SLFNL1: variants seen among roughly 807,000 people sequenced by gnomAD.
The protein encoded by SLFNL1 is schlafen-like protein 1.
Under a neutral mutation model 32.5 loss-of-function variants are expected in SLFNL1, and 26 were observed. The observed-to-expected ratio is 0.80, with a 90% CI of 0.59 to 1.11. SLFNL1 has a LOEUF of 1.11. Ranked by LOEUF, SLFNL1 falls within the 50% of genes least tolerant of loss-of-function variation. The probability of loss-of-function intolerance (pLI) is 0.00; values close to 1 mark genes in which losing one functional copy is unlikely to be tolerated. For missense variants in SLFNL1, 553 were observed against 546.5 expected (o/e 1.01, Z -0.12); for synonymous variants, 255 against 242.2 (o/e 1.05, Z -0.49).
At position 41,016,068 on chromosome 1, in the gene SLFNL1, GGA is replaced by G. The variant is rs756653141; in HGVS notation, c.*36_*37del. On this transcript the variant is annotated 3_prime_UTR_variant, in exon 6 of 6. Coordinates refer to ENST00000302946, the MANE Select transcript of SLFNL1 (RefSeq NM_144990.4). ...AACAGGAAATCCCTGGGTCTCAGGTGGAGAGTGCCGTGCCGTCCTGCCTGCTC... is the reference window on the plus strand; with the variant it reads ...AACAGGAAATCCCTGGGTCTCAGGTGGAGTGCCGTGCCGTCCTGCCTGCTC... 1 of 1,593,362 alleles carries G rather than the reference GGA, an allele frequency of 6.3e-7. No individual in the cohort carries two copies. The highest frequency in any genetic ancestry group is 1.1e-5 in the South Asian group (1 of 88,744).
chr1:41,020,192 G>T (rs367722858), intron 3 of SLFNL1, 34 bp downstream of exon 3: 2 of 1,552,690 alleles, frequency 1.3e-6, no homozygotes, highest in East Asian at 2.3e-5. Context: ...TTGGGGTGAG[G>T]CTTTGGAGCT....
At chr1:41,018,584 G>A (rs909570343) in intron 3 of SLFNL1, among the ~76,000 whole-genome samples, 1 of 152,182 alleles carries the variant, frequency 6.6e-6, no homozygotes, top group Non-Finnish European at 1.5e-5. Flanking sequence ...TGAATGGAGA[G>A]GGACTCCCAG....
Position 41,017,927 on chromosome 1 carries a change from G to A in SLFNL1, c.665C>T (p.Thr222Ile), listed in dbSNP as rs1415840854. 1.2e-6 allele frequency: 2 copies of A among 1,612,668 alleles called. No homozygotes were observed. The highest frequency in any genetic ancestry group is 1.7e-5 in the Admixed American group (1 of 60,004). Reference protein sequence around the residue: ...LFQGAFLGSETRNMEFKRGSG... With the variant: ...LFQGAFLGSEIRNMEFKRGSG... ...ACCCCGCTTGAACTCCATATTGCGG[G>A]TCTCGCTGCCCAGGAAGGCACCCTG... The change falls in exon 4 of 6, where the codon ACC becomes ATC. Residue 222 changes from threonine to isoleucine, a missense_variant. Physicochemically the swap from Thr to Ile is moderately conservative, Grantham distance 89 (BLOSUM62 -1). Coordinates refer to ENST00000302946, the MANE Select transcript of SLFNL1 (RefSeq NM_144990.4). This position sits in a 1 kb window ranked among gnomAD's most constrained non-coding sequence, Gnocchi z 4.9.
chr1:41,019,366 CA>C (rs1643644136), intron 3 of SLFNL1, among the ~76,000 whole-genome samples: 1 of 152,088 alleles, frequency 6.6e-6, no homozygotes, highest in Admixed American at 6.5e-5. Context: ...ATTTTCACAC[CA>C]AAAGAAACCA....
chr1:41,020,117 C>T, intron 3 of SLFNL1, 109 bp downstream of exon 3: 3 of 1,188,852 alleles, frequency 2.5e-6, no homozygotes, highest in Admixed American at 2.3e-5. Context: ...CAGATTTGTC[C>T]CTGCTTCCCC....
Position 41,017,734 on chromosome 1 carries a change from G to A in SLFNL1, c.858C>T (p.Asp286=), listed in dbSNP as rs1399011844. ...RDEDRARLLV[D]SILQGFKPQI... is the part of the protein sequence containing the mutation. Reference sequence around the variant, plus strand: ...GAGGCTTGAAGCCCTGCAGGATGGAGTCCACCAGCAGGCGTGCGCGGTCCT... The same window carrying A: ...GAGGCTTGAAGCCCTGCAGGATGGAATCCACCAGCAGGCGTGCGCGGTCCT... The change falls in exon 4 of 6, where the codon GAC becomes GAT. Residue 286 remains aspartate (D), a synonymous_variant. Transcript: ENST00000302946. This position sits in a 1 kb window ranked among gnomAD's most constrained non-coding sequence, Gnocchi z 4.9. 6.2e-7 allele frequency: 1 copy of A among 1,605,682 alleles called. No individual in the cohort carries two copies.
Position 41,017,361 on chromosome 1 carries a change from A to G in SLFNL1, c.974T>C (p.Val325Ala), listed in dbSNP as rs1643428608. ...CTGGCTCTGGGCCTTGGGGGTGTGC[A>G]CGGTCAGGCGGATCACCTTGGTAGG... ...SVPLKVIRLTVHTPKAQSQPQ... is the reference protein window; with the variant it reads ...SVPLKVIRLTAHTPKAQSQPQ... The change falls in exon 5 of 6, where the codon GTG (valine) becomes GCG (alanine). Residue 325 changes from valine (V) to alanine (A), a missense_variant. By Grantham distance (64) the Val-to-Ala change is moderately conservative (BLOSUM62 0). Coordinates refer to ENST00000302946, the MANE Select transcript of SLFNL1 (RefSeq NM_144990.4). The surrounding 1 kb of genome is among the most constrained non-coding windows in gnomAD (Gnocchi z 4.9). 6.2e-7 allele frequency: 1 copy of G among 1,613,248 alleles called. No homozygotes were observed. Among genetic ancestry groups the G allele is most frequent in the Non-Finnish European group, 8.5e-7 (1 of 1,179,782 alleles).
At position 41,017,814 on chromosome 1, in the gene SLFNL1, C is replaced by A. The variant is rs138195003; in HGVS notation, c.778G>T (p.Val260Leu). Residue 260 changes from valine (V) to leucine (L), a missense_variant, in exon 4 of 6, where the codon GTG becomes TTG. Coordinates refer to ENST00000302946, the MANE Select transcript of SLFNL1 (RefSeq NM_144990.4). The surrounding 1 kb of genome is among the most constrained non-coding windows in gnomAD (Gnocchi z 4.9). ...ACCAGGCCGCTGTCCTCTACTCCCA[C>A]GAGCAGGCTGCCGCCCTCGCTGTTG... ...FLNSEGGSLL[V>L]GVEDSGLVQG... 2.5e-6 allele frequency: 4 copies of A among 1,599,168 alleles called. No individual in the cohort carries two copies. The highest frequency in any genetic ancestry group is 1.7e-4 in the Middle Eastern group (1 of 6,000).
chr1:41,020,329 C>T lies in SLFNL1; in HGVS notation c.332G>A (p.Arg111His), dbSNP rs368949883. ...HRDTLASLPW[R>H]LQTALEEHLI... ...GTGCTCCTCCAGGGCCGTCTGCAGG[C>T]GCCAGGGGAGGGAGGCCAGGGTGTC... The change falls in exon 3 of 6, where the codon CGC becomes CAC. Residue 111 changes from arginine (R) to histidine (H), a missense_variant. Arg to His is a conservative substitution (Grantham distance 29). Transcript: ENST00000302946. 1.3e-5 allele frequency: 21 copies of T among 1,613,520 alleles called. No individual in the cohort carries two copies. The highest frequency in any genetic ancestry group is 1.1e-4 in the African/African-American group (8 of 74,948).
Position 41,020,267 on chromosome 1 carries a change from G to GGTCCTTCCCACGGGCTGCCAGCTCCTT in SLFNL1, c.367_393dup (p.Lys123_Asp131dup). On this transcript the variant is annotated inframe_insertion, in exon 3 of 6. Coordinates refer to ENST00000302946, the MANE Select transcript of SLFNL1 (RefSeq NM_144990.4). ...GGCCCTTGGGCCTCACTCAATAGCAGGTCCTTCCCACGGGCTGCCAGCTCC... is the reference window on the plus strand; with the variant it reads ...GGCCCTTGGGCCTCACTCAATAGCAGGTCCTTCCCACGGGCTGCCAGCTCCTTGTCCTTCCCACGGGCTGCCAGCTCC... The GGTCCTTCCCACGGGCTGCCAGCTCCTT allele has an allele frequency of 6.2e-7, 1 of 1,611,282 alleles. No homozygotes were observed. The highest frequency in any genetic ancestry group is 1.7e-4 in the Middle Eastern group (1 of 5,974).
chr1:41,016,524 T>A (rs1330881685), intron 5 of SLFNL1: 2 of 381,268 alleles, frequency 5.2e-6, no homozygotes. Context: ...AAGCTCTTCC[T>A]TGGGACTGTG....
At chr1:41,019,647 C>CAAGT (rs1341959184) in intron 3 of SLFNL1, among the ~76,000 whole-genome samples, 1 of 152,210 alleles carries the variant, frequency 6.6e-6, no homozygotes, top group Non-Finnish European at 1.5e-5. Flanking sequence ...TCCTCCCTTG[C>CAAGT]AAGTGCCTGT....
rs192476155 is a variant in SLFNL1, at chr1:41,018,728, G to A, written c.436-572C>T. The stretch of plus-strand genomic sequence containing the variant: ...GGTTTGGGCTCTGCTCGAGGGCTTG[G>A]TGTGAGCCTCCTCGGGGCCACTTCC... On this transcript the variant is annotated intron_variant, in intron 3 of 5. Transcript: ENST00000302946. Among the ~76,000 whole-genome samples the A allele has an allele frequency of 3.7e-3, 563 of 151,910 alleles. 5 individuals carry two copies. Among genetic ancestry groups the A allele is most frequent in the Non-Finnish European group, 3.9e-3 (263 of 67,998 alleles).
rs779998681 is a variant in SLFNL1, at chr1:41,017,931, C to T, written c.661G>A (p.Glu221Lys). ...CGCTTGAACTCCATATTGCGGGTCT[C>T]GCTGCCCAGGAAGGCACCCTGGAAG... The part of the protein sequence containing the change: ...QLFQGAFLGS[E>K]TRNMEFKRGS... The change falls in exon 4 of 6, where the codon GAG (glutamate) becomes AAG (lysine). Residue 221 changes from glutamate to lysine, a missense_variant. Glu to Lys is a moderately conservative substitution (Grantham distance 56, BLOSUM62 1). Coordinates refer to ENST00000302946, the MANE Select transcript of SLFNL1 (RefSeq NM_144990.4). This position sits in a 1 kb window ranked among gnomAD's most constrained non-coding sequence, Gnocchi z 4.9. 31 of 1,612,482 alleles carry T rather than the reference C, an allele frequency of 1.9e-5. No individual in the cohort carries two copies. Among genetic ancestry groups the T allele is most frequent in the South Asian group, 4.4e-5 (4 of 91,052 alleles).
At position 41,017,847 on chromosome 1, in the gene SLFNL1, C is replaced by T. The variant is rs761531145; in HGVS notation, c.745G>A (p.Ala249Thr). 1.9e-5 allele frequency: 31 copies of T among 1,601,002 alleles called. No individual in the cohort carries two copies. Among genetic ancestry groups the T allele is most frequent in the Middle Eastern group, 1.7e-4 (1 of 6,034 alleles). ...CTGCCGCCCTCGCTGTTGAGGAAGG[C>T]GCACACGTAGCGCCGCACGTGGTGC... is the stretch of plus-strand genomic sequence containing the variant. ...FKHHVRRYVC[A>T]FLNSEGGSLL... Residue 249 changes from alanine (A) to threonine (T), a missense_variant, in exon 4 of 6, where the codon GCC (alanine) becomes ACC (threonine). Ala to Thr is a moderately conservative substitution (Grantham distance 58, BLOSUM62 0). Transcript: ENST00000302946. This position sits in a 1 kb window ranked among gnomAD's most constrained non-coding sequence, Gnocchi z 4.9.
intron 3 of SLFNL1, among the ~76,000 whole-genome samples, chr1:41,019,034 G>T (rs898694621): frequency 1.4e-4 from 22 of 151,738 alleles, no homozygotes; most frequent in Non-Finnish European, 4.4e-5. Flanking sequence ...TAGAGACGGG[G>T]TTTCACCATG....
In SLFNL1 at chr1:41,020,744, A is replaced by G. The variant is rs1184659363; in HGVS notation, c.-84T>C. 6 of 1,324,782 alleles carry G rather than the reference A, an allele frequency of 4.5e-6. No individual in the cohort carries two copies. The African/African-American group carries it at 5.8e-5, about 13-fold the overall frequency. 82.1% of individuals were successfully genotyped at this position (1,324,782 alleles called of 1,614,324 possible). A position where few individuals can be genotyped will look rare whatever the true frequency, so the allele number is the denominator to read the frequency against. ...GGGTCTGTGTTCTCAGTGTGGCTTA[A>G]GGGCTCCCAGAGGACTCAGGGAGTG... On this transcript the variant is annotated 5_prime_UTR_variant, in exon 3 of 6. Coordinates refer to ENST00000302946, the MANE Select transcript of SLFNL1 (RefSeq NM_144990.4).
rs1643768161 is a variant in SLFNL1, at chr1:41,020,667, G to GCTCT, written c.-11_-8dup. The GCTCT allele has an allele frequency of 4.4e-6, 7 of 1,601,134 alleles. No individual in the cohort carries two copies. Among genetic ancestry groups the GCTCT allele is most frequent in the Non-Finnish European group, 6.0e-6 (7 of 1,170,846 alleles). On this transcript the variant is annotated 5_prime_UTR_variant, in exon 3 of 6. Coordinates refer to ENST00000302946, the MANE Select transcript of SLFNL1 (RefSeq NM_144990.4). ...ATCTCTTCATGGGGGTCATGGGAAG[G>GCTCT]CTCTCCCTGGGAAGGGGTTCCAGGA... is the stretch of plus-strand genomic sequence containing the variant.
chr1:41,016,342 T>C (rs750302931), intron 5 of SLFNL1, 114 bp from the exon 6 acceptor site: 69 of 1,482,154 alleles, frequency 4.7e-5, no homozygotes, highest in Non-Finnish European at 5.7e-5. Flanking sequence ...CTGAGAGCTT[T>C]CTCAGCTAGG....
Sources: allele counts gnomAD v4.1 joint callset (sites outside exome capture counted in the v4.1 genomes callset), GRCh38; gene constraint gnomAD v4.1.1; non-coding constraint Gnocchi (gnomAD v3.1); transcripts MANE v1.5; gene names NCBI Gene and HGNC (gene_info 2026-07-23, HGNC 2026-07-21).